The following NTN1 variants were observed in gnomAD, a reference collection of about 807,000 sequenced individuals.
NTN1 encodes netrin-1.
A neutral mutation model predicts 54.2 loss-of-function variants in NTN1; 11 were observed. That is an observed-to-expected ratio of 0.20 (90% CI 0.13 to 0.34). The LOEUF (loss-of-function observed/expected upper bound fraction) is 0.34, where lower values mean the gene tolerates loss of function less well. Ranked by LOEUF, NTN1 falls within the 10% of genes least tolerant of loss-of-function variation. The pLI is 1.00. For synonymous variants in NTN1, 371 were observed against 382.0 expected, an observed-to-expected ratio of 0.97 and a Z score of 0.33; for missense variants, 740 against 893.1, an observed-to-expected ratio of 0.83 and a Z score of 2.18.
chr17:9,201,013 T>A (rs924312278), intron 5 of NTN1, among the ~76,000 whole-genome samples: 2 of 152,132 alleles, frequency 1.3e-5, no homozygotes, highest in African/African-American at 4.8e-5. Flanking sequence ...GGGCTGCTGT[T>A]TTTTTTAATG....
At chr17:9,148,704 T>C (rs1003299353) in intron 2 of NTN1, among the ~76,000 whole-genome samples, 3 of 152,016 alleles carry the variant, frequency 2.0e-5, no homozygotes, top group Non-Finnish European at 4.4e-5. Context: ...CTGGTTTCTG[T>C]TGGGCACACG....
At chr17:9,224,667 G>C (rs1490595174) in intron 6 of NTN1, among the ~76,000 whole-genome samples, 1 of 152,242 alleles carries the variant, frequency 6.6e-6, no homozygotes, top group Non-Finnish European at 1.5e-5. Context: ...CTGCGGGCCA[G>C]CCCTGTGTGC....
chr17:9,200,613 A>C (rs1156526152), intron 5 of NTN1, among the ~76,000 whole-genome samples: 1 of 152,238 alleles, frequency 6.6e-6, no homozygotes, highest in African/African-American at 2.4e-5. Context: ...AGTAGCTTTT[A>C]GTATTTTCCC....
rs752964582 is a variant in NTN1, at chr17:9,022,882, C to T, written c.509C>T (p.Thr170Met). 16 of 1,612,078 alleles carry T rather than the reference C, an allele frequency of 9.9e-6. 1 individual carries two copies. The Admixed American group carries it at 2.2e-4, about 22-fold the overall frequency. ...AIYKSMDYGR[T>M]WVPFQFYSTQ... Reference sequence around the variant, plus strand: ...TACAAGTCCATGGACTACGGGCGCACGTGGGTGCCCTTCCAGTTCTACTCC... The same window carrying T: ...TACAAGTCCATGGACTACGGGCGCATGTGGGTGCCCTTCCAGTTCTACTCC... The change falls in exon 2 of 7, where the codon ACG becomes ATG. Residue 170 changes from threonine (T) to methionine (M), a missense_variant. Thr to Met is a moderately conservative substitution (Grantham distance 81, BLOSUM62 -1). Coordinates refer to ENST00000173229, the MANE Select transcript of NTN1 (RefSeq NM_004822.3).
At chr17:9,160,245 A>G (rs2142296582) in intron 2 of NTN1, among the ~76,000 whole-genome samples, 1 of 152,264 alleles carries the variant, frequency 6.6e-6, no homozygotes, top group East Asian at 1.9e-4. Flanking sequence ...TTGGGATTAC[A>G]GGCGCAAACC....
chr17:9,028,500 T>G (rs1442168472), intron 2 of NTN1, among the ~76,000 whole-genome samples: 1 of 152,190 alleles, frequency 6.6e-6, no homozygotes, highest in Non-Finnish European at 1.5e-5. Flanking sequence ...GGCTCTGCCG[T>G]GCTCTCTATT....
chr17:9,151,736 C>T (rs1382560322), intron 2 of NTN1, among the ~76,000 whole-genome samples: 1 of 152,180 alleles, frequency 6.6e-6, no homozygotes, highest in Admixed American at 6.5e-5. Flanking sequence ...CACGGAGGGT[C>T]CCTGTGGAGA....
rs75941192 is a variant in NTN1, at chr17:9,054,813, G to A, written c.1018+31422G>A. ...CAAGTCCCCAGCCGGGCAGCACAGC[G>A]AAAGCTTTGGGATGCTAATGGCCCT... is the stretch of plus-strand genomic sequence containing the variant. On this transcript the variant is annotated intron_variant, in intron 2 of 6. Coordinates refer to ENST00000173229, the MANE Select transcript of NTN1 (RefSeq NM_004822.3). Among the ~76,000 whole-genome samples, 1,184 of 152,254 alleles carry A rather than the reference G, an allele frequency of 7.8e-3. 48 individuals are homozygous for A. The East Asian group carries it at 0.13, about 16-fold the overall frequency.
At chr17:9,171,902 T>C (rs1171301081) in intron 3 of NTN1, 1 of 155,328 alleles carries the variant, frequency 6.4e-6, no homozygotes, top group Non-Finnish European at 1.4e-5. Context: ...TTTTTTTTTT[T>C]TTTGAGACGG....
At chr17:9,097,272 G>T (rs1428427080) in intron 2 of NTN1, among the ~76,000 whole-genome samples, 2 of 152,192 alleles carry the variant, frequency 1.3e-5, no homozygotes, top group African/African-American at 4.8e-5. Flanking sequence ...CCTGGAAAAT[G>T]TAACATTTTG....
chr17:9,221,148 C>CGG lies in NTN1; in HGVS notation c.1412-20_1412-19insGG. ...AGCCTAATTAGTTTTTGTCTGTGCT[C>CGG]CCCCCCCACCCCCCTGCAGACTGCG... On this transcript the variant is annotated intron_variant, in intron 5 of 6. Coordinates refer to ENST00000173229, the MANE Select transcript of NTN1 (RefSeq NM_004822.3). This position sits in a 1 kb window ranked among gnomAD's most constrained non-coding sequence, Gnocchi z 4.5. 3.3e-6 allele frequency: 4 copies of CGG among 1,204,824 alleles called. No homozygotes were observed. Among genetic ancestry groups the CGG allele is most frequent in the Non-Finnish European group, 4.7e-6 (4 of 851,236 alleles). The allele number at this position is 1,204,824 out of a possible 1,614,324, so 74.6% of individuals were successfully genotyped here.
intron 3 of NTN1, among the ~76,000 whole-genome samples, chr17:9,164,123 A>G (rs2092367069): frequency 6.6e-6 from 1 of 152,256 alleles, no homozygotes; most frequent in African/African-American, 2.4e-5. Flanking sequence ...TGTGTGCAGG[A>G]CTGACTGCAT....
At chr17:9,063,388 G>A (rs2092005117) in intron 2 of NTN1, among the ~76,000 whole-genome samples, 1 of 151,178 alleles carries the variant, frequency 6.6e-6, no homozygotes. Context: ...GTGAGCCACC[G>A]CTCCCAGCCC....
At chr17:9,120,675 G>A (rs190822798) in intron 2 of NTN1, among the ~76,000 whole-genome samples, 15 of 152,212 alleles carry the variant, frequency 9.9e-5, no homozygotes, top group Admixed American at 3.9e-4. Flanking sequence ...GCCCCCAAGA[G>A]GCTGCTGGTG....
chr17:9,108,582 A>AT, intron 2 of NTN1, among the ~76,000 whole-genome samples: 1 of 152,336 alleles, frequency 6.6e-6, no homozygotes, highest in East Asian at 1.9e-4. Flanking sequence ...AACTTAAAAC[A>AT]TTATTCAGTA....
At chr17:9,171,019 C>T (rs2092385845) in intron 3 of NTN1, 2 of 152,186 alleles carry the variant, frequency 1.3e-5, no homozygotes, top group Non-Finnish European at 1.5e-5. Context: ...CTCCCCTCCC[C>T]CCAACTTCCT....
intron 6 of NTN1, among the ~76,000 whole-genome samples, chr17:9,236,977 C>G (rs930127464): frequency 5.9e-5 from 9 of 152,200 alleles, no homozygotes; most frequent in African/African-American, 2.2e-4. Flanking sequence ...TGCAGGAAGT[C>G]TAAGGCTAGG....
chr17:9,063,722 G>A (rs1567701283), intron 2 of NTN1, among the ~76,000 whole-genome samples: 1 of 151,922 alleles, frequency 6.6e-6, no homozygotes, highest in Non-Finnish European at 1.5e-5. Context: ...TAATTTTTTT[G>A]TATTTTTAGT....
Position 9,036,695 on chromosome 17 carries a change from G to C in NTN1, c.1018+13304G>C, listed in dbSNP as rs1405973670. On this transcript the variant is annotated intron_variant, in intron 2 of 6. Transcript: ENST00000173229. The stretch of plus-strand genomic sequence containing the variant: ...GTAAAACGAGGGGTTGGGTCACAAA[G>C]GTCATGTAATGATATTCTGTAGGTC... Among the ~76,000 whole-genome samples the C allele has an allele frequency of 3.3e-5, 5 of 152,258 alleles. No individual in the cohort carries two copies. The East Asian group carries it at 9.6e-4, about 29-fold the overall frequency.
Sources: allele counts gnomAD v4.1 joint callset (sites outside exome capture counted in the v4.1 genomes callset), GRCh38; gene constraint gnomAD v4.1.1; non-coding constraint Gnocchi (gnomAD v3.1); transcripts MANE v1.5; gene names NCBI Gene and HGNC (gene_info 2026-07-23, HGNC 2026-07-21).